The following CAMKMT variants were observed in gnomAD, a reference collection of about 807,000 sequenced individuals.
CAMKMT encodes calmodulin-lysine N-methyltransferase.
A neutral mutation model predicts 48.0 loss-of-function variants in CAMKMT; 53 were observed. That is an observed-to-expected ratio of 1.10 (90% CI 0.89 to 1.39). The LOEUF is 1.39. CAMKMT is among the 40% of genes most tolerant of loss of function. CAMKMT has a pLI of 0.00. For missense variants in CAMKMT, 428 were observed against 402.7 expected, an observed-to-expected ratio of 1.06 and a Z score of -0.54; for synonymous variants, 165 against 152.3, an observed-to-expected ratio of 1.08 and a Z score of -0.61.
At position 44,461,599 on chromosome 2, in the gene CAMKMT, T is replaced by C. The variant is rs537554755; in HGVS notation, c.376+71294T>C. On this transcript the variant is annotated intron_variant, in intron 3 of 10. Coordinates refer to ENST00000378494, the MANE Select transcript of CAMKMT (RefSeq NM_024766.5). ...GGAATGCATCTGTCTTGTTCACCTCTAACTCTGCACTTAGCACTGAACCTG... is the reference window on the plus strand; with the variant it reads ...GGAATGCATCTGTCTTGTTCACCTCCAACTCTGCACTTAGCACTGAACCTG... Among the ~76,000 whole-genome samples the C allele has an allele frequency of 2.0e-5, 3 of 152,328 alleles. No individual in the cohort carries two copies. The South Asian group carries it at 6.2e-4, about 32-fold the overall frequency.
intron 3 of CAMKMT, among the ~76,000 whole-genome samples, chr2:44,568,220 A>G (rs546557355): frequency 2.2e-4 from 34 of 152,302 alleles, no homozygotes; most frequent in African/African-American, 7.7e-4. Context: ...GAGCAAAACA[A>G]GCTGAGCCTG....
At chr2:44,715,250 C>T in intron 6 of CAMKMT, 37 bp from the exon 7 acceptor site, 9 of 1,361,986 alleles carry the variant, frequency 6.6e-6, no homozygotes, top group Non-Finnish European at 9.2e-6. Flanking sequence ...GGTCACTTCA[C>T]AATCAGTGCA....
At position 44,490,028 on chromosome 2, in the gene CAMKMT, A is replaced by T. The variant is rs557010740; in HGVS notation, c.376+99723A>T. 2.8e-4 allele frequency among the ~76,000 whole-genome samples: 43 copies of T among 152,204 alleles called. 1 individual carries two copies. The East Asian group carries it at 7.5e-3, about 27-fold the overall frequency. ...CGCACACTCACACACACACACAAAT[A>T]TATGGGCAATGTTTCACTGTTGGAT... On this transcript the variant is annotated intron_variant, in intron 3 of 10. Coordinates refer to ENST00000378494, the MANE Select transcript of CAMKMT (RefSeq NM_024766.5).
chr2:44,726,154 A>T (rs952077146), intron 7 of CAMKMT, among the ~76,000 whole-genome samples: 2 of 152,200 alleles, frequency 1.3e-5, no homozygotes, highest in African/African-American at 2.4e-5. Flanking sequence ...CAGTAATGGG[A>T]TTGCTGGGTC....
At chr2:44,530,995 GAT>G (rs1192369487) in intron 3 of CAMKMT, among the ~76,000 whole-genome samples, 1 of 151,626 alleles carries the variant, frequency 6.6e-6, no homozygotes, top group Non-Finnish European at 1.5e-5. Flanking sequence ...CTGGGAGTCT[GAT>G]ATATATATAC....
intron 3 of CAMKMT, among the ~76,000 whole-genome samples, chr2:44,563,318 A>G (rs1668427776): frequency 6.6e-6 from 1 of 151,714 alleles, no homozygotes; most frequent in Non-Finnish European, 1.5e-5. Flanking sequence ...AAAATGTACT[A>G]TGAATATTTT....
intron 3 of CAMKMT, among the ~76,000 whole-genome samples, chr2:44,550,056 C>G (rs1162277190): frequency 6.6e-6 from 1 of 152,060 alleles, no homozygotes; most frequent in African/African-American, 2.4e-5. Flanking sequence ...ACAAAAATAC[C>G]TTGATAAAGA....
intron 2 of CAMKMT, among the ~76,000 whole-genome samples, chr2:44,384,011 A>T (rs531904188): frequency 6.6e-6 from 1 of 152,346 alleles, no homozygotes; most frequent in African/African-American, 2.4e-5. Flanking sequence ...TTGCTGGACC[A>T]AATGGTAGTT....
chr2:44,509,009 T>C (rs1670399976), intron 3 of CAMKMT, among the ~76,000 whole-genome samples: 1 of 151,790 alleles, frequency 6.6e-6, no homozygotes, highest in East Asian at 1.9e-4. Flanking sequence ...GACAGGAGAA[T>C]TGCTTGAACC....
In CAMKMT at chr2:44,536,067, A is replaced by C. The variant is rs113417501; in HGVS notation, c.376+145762A>C. Reference sequence around the variant, plus strand: ...ATCAGTAGCATTTCTATACACCAATAATGAACTAGCTGAAAGAGAAATCAA... The same window carrying C: ...ATCAGTAGCATTTCTATACACCAATCATGAACTAGCTGAAAGAGAAATCAA... On this transcript the variant is annotated intron_variant, in intron 3 of 10. Coordinates refer to ENST00000378494, the MANE Select transcript of CAMKMT (RefSeq NM_024766.5). 2.1e-3 allele frequency among the ~76,000 whole-genome samples: 315 copies of C among 152,358 alleles called. 1 individual carries two copies. The Middle Eastern group carries it at 0.027, about 13-fold the overall frequency.
rs1201083148 is a variant in CAMKMT, at chr2:44,618,191, T to A, written c.377-86092T>A. Among the ~76,000 whole-genome samples, 7 of 152,226 alleles carry A rather than the reference T, an allele frequency of 4.6e-5. No individual in the cohort carries two copies. The highest frequency in any genetic ancestry group is 8.8e-5 in the Non-Finnish European group (6 of 68,036). On this transcript the variant is annotated intron_variant, in intron 3 of 10. Transcript: ENST00000378494. This position sits in a 1 kb window ranked among gnomAD's most constrained non-coding sequence, Gnocchi z 4.0. Reference sequence around the variant, plus strand: ...GTGCAAGCAGGCAAGCTGTTATTGATCAAAGAGGTTTTGTTGGGTAGCTCT... The same window carrying A: ...GTGCAAGCAGGCAAGCTGTTATTGAACAAAGAGGTTTTGTTGGGTAGCTCT...
At chr2:44,523,905 G>A (rs577586271) in intron 3 of CAMKMT, among the ~76,000 whole-genome samples, 15 of 150,932 alleles carry the variant, frequency 9.9e-5, no homozygotes, top group Admixed American at 8.6e-4. Flanking sequence ...AGCCTCTTGA[G>A]TAGCTGGAAT....
At chr2:44,524,975 A>AC (rs34351726) in intron 3 of CAMKMT, among the ~76,000 whole-genome samples, 78,696 of 151,172 alleles carry the variant, frequency 0.52, 21,199 homozygotes, top group Non-Finnish European at 0.59. Flanking sequence ...TAAAAAAAAA[A>AC]AAAAAACTTA....
At chr2:44,435,838 T>C (rs1279343296) in intron 3 of CAMKMT, among the ~76,000 whole-genome samples, 1 of 152,226 alleles carries the variant, frequency 6.6e-6, no homozygotes, top group Non-Finnish European at 1.5e-5. Context: ...GTTTACCAAG[T>C]TGTATATCTT....
intron 3 of CAMKMT, among the ~76,000 whole-genome samples, chr2:44,593,779 T>C (rs972826239): frequency 2.0e-5 from 3 of 151,412 alleles, no homozygotes; most frequent in African/African-American, 7.3e-5. Context: ...TTTTTTTTTT[T>C]TGAGGCGGAA....
chr2:44,700,614 G>A (rs1320657654), intron 3 of CAMKMT, among the ~76,000 whole-genome samples: 1 of 152,162 alleles, frequency 6.6e-6, no homozygotes, highest in Non-Finnish European at 1.5e-5. Context: ...ACACACACAA[G>A]ATTTATTGAT....
chr2:44,414,077 C>T (rs1383343415), intron 3 of CAMKMT, among the ~76,000 whole-genome samples: 1 of 152,052 alleles, frequency 6.6e-6, no homozygotes, highest in Non-Finnish European at 1.5e-5. Flanking sequence ...TTGAATGATA[C>T]CCTCTCCCAA....
chr2:44,409,116 T>G (rs1353539999), intron 3 of CAMKMT, among the ~76,000 whole-genome samples: 2 of 4,002 alleles, frequency 5.0e-4, no homozygotes, highest in African/African-American at 8.1e-4. Flanking sequence ...TATATATATA[T>G]ATATATATAT....
intron 3 of CAMKMT, among the ~76,000 whole-genome samples, chr2:44,475,565 C>G (rs1198199490): frequency 1.3e-5 from 2 of 152,048 alleles, no homozygotes; most frequent in Non-Finnish European, 2.9e-5. Context: ...ATCCGCCCGT[C>G]TTGGCTCCCA....
Sources: gnomAD v4.1 joint callset for allele counts (sites outside exome capture counted in the v4.1 genomes callset) on GRCh38, gnomAD v4.1.1 for gene constraint, Gnocchi (gnomAD v3.1) non-coding constraint, MANE v1.5 for transcripts, NCBI Gene and HGNC (gene_info 2026-07-23, HGNC 2026-07-21) for gene names.